The following CTNND2 variants were observed in gnomAD, a reference collection of about 807,000 sequenced individuals.
CTNND2 encodes catenin delta 2.
CTNND2 carries 22 observed loss-of-function variants against 144.4 expected under a neutral mutation model. The ratio of observed to expected loss-of-function variants is 0.15; its 90% CI spans 0.11 to 0.22. The LOEUF is 0.22. Ranked by LOEUF, CTNND2 falls within the 10% of genes least tolerant of loss-of-function variation. The pLI, the probability that CTNND2 is intolerant of heterozygous loss-of-function variation, is 1.00. For missense variants in CTNND2, 1,353 were observed against 1,618.8 expected (o/e 0.84, Z 2.82); for synonymous variants, 751 against 695.6 (o/e 1.08, Z -1.25).
At chr5:11,168,632 T>C (rs1225991926) in intron 11 of CTNND2, among the ~76,000 whole-genome samples, 1 of 152,196 alleles carries the variant, frequency 6.6e-6, no homozygotes, top group African/African-American at 2.4e-5. Flanking sequence ...CTGGAACTTT[T>C]TTCCTAAAAG....
intron 1 of CTNND2, among the ~76,000 whole-genome samples, chr5:11,734,056 A>C (rs1267502199): frequency 1.3e-5 from 2 of 152,170 alleles, no homozygotes; most frequent in African/African-American, 4.8e-5. Flanking sequence ...CCACGATGTG[A>C]GGGCACAGCA....
chr5:11,112,870 C>T (rs187660898), intron 13 of CTNND2, among the ~76,000 whole-genome samples: 29 of 152,202 alleles, frequency 1.9e-4, no homozygotes, highest in South Asian at 6.2e-4. Flanking sequence ...AGGCTGGGCG[C>T]GGTGGCTCAT....
intron 9 of CTNND2, among the ~76,000 whole-genome samples, chr5:11,253,929 A>T (rs934958557): frequency 1.3e-5 from 2 of 152,206 alleles, no homozygotes; most frequent in East Asian, 3.8e-4. Context: ...CTGTACACTC[A>T]GTATATTTAA....
intron 7 of CTNND2, among the ~76,000 whole-genome samples, chr5:11,365,369 G>A (rs983171052): frequency 1.3e-5 from 2 of 152,122 alleles, no homozygotes; most frequent in African/African-American, 4.8e-5. Context: ...GTTTTTCCCT[G>A]GGAAAAGGAT....
chr5:11,555,315 C>G (rs947949506), intron 3 of CTNND2, among the ~76,000 whole-genome samples: 2 of 152,128 alleles, frequency 1.3e-5, no homozygotes, highest in African/African-American at 4.8e-5. Flanking sequence ...CAGCTTTAAT[C>G]CAGTTTGTGT....
chr5:11,308,224 C>CT (rs57613248), intron 9 of CTNND2, among the ~76,000 whole-genome samples: 7,672 of 145,674 alleles, frequency 0.053, 601 homozygotes, highest in African/African-American at 0.18. Flanking sequence ...ATTATAATTA[C>CT]TTTTTTTTTT....
chr5:11,677,330 G>A (rs1414894663), intron 2 of CTNND2, among the ~76,000 whole-genome samples: 1 of 152,180 alleles, frequency 6.6e-6, no homozygotes, highest in Non-Finnish European at 1.5e-5. Flanking sequence ...CACCTCCTGT[G>A]CTTTTCTGGT....
rs1158531530 is a variant in CTNND2 at position 11,866,629 on chromosome 5, G to A, written c.37+37188C>T. On this transcript the variant is annotated intron_variant, in intron 1 of 21. Transcript: ENST00000304623. Reference sequence around the variant, plus strand: ...CCTAAAGTGTGCAGCACAGTGCCTGGCACATCCTACGTGCTAAATGTTTTT... The same window carrying A: ...CCTAAAGTGTGCAGCACAGTGCCTGACACATCCTACGTGCTAAATGTTTTT... Among the ~76,000 whole-genome samples the A allele has an allele frequency of 2.0e-5, 3 of 152,328 alleles. 1 individual carries two copies. The highest frequency in any genetic ancestry group is 6.8e-3 in the Middle Eastern group (2 of 294).
At chr5:11,295,987 A>T (rs1414412348) in intron 9 of CTNND2, among the ~76,000 whole-genome samples, 2 of 151,504 alleles carry the variant, frequency 1.3e-5, no homozygotes, top group Admixed American at 6.6e-5. Context: ...ACAAATGGGA[A>T]CTAATTAAAC....
rs139706540 is a variant in CTNND2 at position 11,564,969 on chromosome 5, C to T, written c.262G>A (p.Glu88Lys). 8.7e-6 allele frequency: 14 copies of T among 1,613,962 alleles called. No homozygotes were observed. The East Asian group carries it at 2.7e-4, about 31-fold the overall frequency. ...CTCATGCTGCTCATGCTGCCAGTCT[C>T]GGATCCGAGCTTGCATCGCTCCAGC... Reference protein sequence around the residue: ...SQLERCKLGSETGSMSSMSSA... With the variant: ...SQLERCKLGSKTGSMSSMSSA... Residue 88 changes from glutamate (E) to lysine (K), a missense_variant, in exon 3 of 22, where the codon GAG becomes AAG. This residue lies in a region of CTNND2 where 708 missense variants were observed against 706.4 expected (regional missense o/e 1.00). Coordinates refer to ENST00000304623, the MANE Select transcript of CTNND2 (RefSeq NM_001332.4).
chr5:11,680,214 A>C (rs1175553219), intron 2 of CTNND2, among the ~76,000 whole-genome samples: 1 of 152,164 alleles, frequency 6.6e-6, no homozygotes, highest in Non-Finnish European at 1.5e-5. Flanking sequence ...GGTGGATATC[A>C]CCAACCCCTA....
chr5:11,146,122 TTCC>T (rs1224986259), intron 12 of CTNND2, among the ~76,000 whole-genome samples: 5 of 144,092 alleles, frequency 3.5e-5, no homozygotes, highest in African/African-American at 1.3e-4. Context: ...CAGTTCAGAT[TTCC>T]TCCTCTTCTG....
At chr5:11,818,363 G>C (rs1231089093) in intron 1 of CTNND2, among the ~76,000 whole-genome samples, 1 of 151,752 alleles carries the variant, frequency 6.6e-6, no homozygotes, top group African/African-American at 2.4e-5. Context: ...CCTGGCTCCT[G>C]TATATGCGTT....
intron 3 of CTNND2, among the ~76,000 whole-genome samples, chr5:11,526,834 C>A (rs915821729): frequency 1.3e-5 from 2 of 152,092 alleles, no homozygotes; most frequent in African/African-American, 4.8e-5. Context: ...GTGGAAGGAC[C>A]CACGTGTCCA....
At chr5:11,648,923 T>C (rs1256662426) in intron 2 of CTNND2, among the ~76,000 whole-genome samples, 1 of 152,258 alleles carries the variant, frequency 6.6e-6, no homozygotes, top group East Asian at 1.9e-4. Flanking sequence ...TTTACTTTAT[T>C]GTTGAACTTG....
intron 2 of CTNND2, among the ~76,000 whole-genome samples, chr5:11,601,587 C>T (rs79654636): frequency 0.012 from 1,767 of 152,060 alleles, 30 homozygotes; most frequent in African/African-American, 0.041. Flanking sequence ...CTTCTCACAA[C>T]TCATTAAGAT....
chr5:11,360,659 G>A (rs1756356944), intron 8 of CTNND2, among the ~76,000 whole-genome samples: 2 of 152,214 alleles, frequency 1.3e-5, no homozygotes, highest in African/African-American at 4.8e-5. Flanking sequence ...ACATGAGCAG[G>A]AGAGTGAAGG....
intron 1 of CTNND2, among the ~76,000 whole-genome samples, chr5:11,838,585 T>C (rs912937711): frequency 6.6e-6 from 1 of 152,176 alleles, no homozygotes; most frequent in Non-Finnish European, 1.5e-5. Flanking sequence ...AGCTGACTAC[T>C]TAAAGTTCTA....
chr5:10,975,620 C>A (rs1167363514), intron 21 of CTNND2, among the ~76,000 whole-genome samples: 1 of 152,194 alleles, frequency 6.6e-6, no homozygotes, highest in African/African-American at 2.4e-5. Context: ...AGGTGTTCTA[C>A]CAACGTAGTC....
Sources: allele counts gnomAD v4.1 joint callset (sites outside exome capture counted in the v4.1 genomes callset), GRCh38; gene constraint gnomAD v4.1.1; regional missense constraint gnomAD v4.1.1; transcripts MANE v1.5; gene names NCBI Gene and HGNC (gene_info 2026-07-23, HGNC 2026-07-21).